Variants in KANSL1 observed in about 807,000 individuals in gnomAD.
KANSL1 encodes the protein KAT8 regulatory NSL complex subunit 1.
Under a neutral mutation model 103.6 loss-of-function variants are expected in KANSL1, and 22 were observed. The ratio of observed to expected loss-of-function variants is 0.21; its 90% CI spans 0.15 to 0.30. KANSL1 has a LOEUF of 0.30. Among genes scored for constraint, KANSL1 ranks in the 10% least tolerant of loss-of-function variants. The pLI, the probability that KANSL1 is intolerant of heterozygous loss-of-function variation, is 1.00. For missense variants in KANSL1, 1,337 were observed against 1,399.8 expected, an observed-to-expected ratio of 0.96 and a Z score of 0.72; for synonymous variants, 600 against 527.6, an observed-to-expected ratio of 1.14 and a Z score of -1.88.
At chr17:46,139,124 C>T (rs576422763) in intron 2 of KANSL1, among the ~76,000 whole-genome samples, 163 of 152,274 alleles carry the variant, frequency 1.1e-3, no homozygotes, top group Non-Finnish European at 1.7e-3. Context: ...GCTGCTCTAT[C>T]CCCATAATCT....
intron 2 of KANSL1, among the ~76,000 whole-genome samples, chr17:46,105,943 ACACACCCC>A (rs770973271): frequency 1.0e-3 from 72 of 69,514 alleles, no homozygotes; most frequent in South Asian, 2.2e-3. Flanking sequence ...ACACACACAC[ACACACCCC>A]CCCAGAAGGG....
intron 2 of KANSL1, among the ~76,000 whole-genome samples, chr17:46,130,187 CAAAAA>C (rs35017603): frequency 2.4e-4 from 18 of 75,474 alleles, no homozygotes; most frequent in South Asian, 1.1e-3. Context: ...ATCCTGTCTC[CAAAAA>C]AAAAAAAAAA....
chr17:46,216,347 TCA>T (rs1221745429), intron 1 of KANSL1, among the ~76,000 whole-genome samples: 3 of 151,894 alleles, frequency 2.0e-5, no homozygotes, highest in East Asian at 2.0e-4. Flanking sequence ...ACTTGGTGAC[TCA>T]CACACTTTGG....
chr17:46,065,098 C>A (rs1460169202), intron 6 of KANSL1, among the ~76,000 whole-genome samples: 1 of 151,410 alleles, frequency 6.6e-6, no homozygotes, highest in Non-Finnish European at 1.5e-5. Flanking sequence ...GCCTCAGCCT[C>A]CTGAGCAAAT....
chr17:46,115,726 C>G (rs1189165038), intron 2 of KANSL1, among the ~76,000 whole-genome samples: 3 of 152,194 alleles, frequency 2.0e-5, no homozygotes, highest in Non-Finnish European at 4.4e-5. Context: ...TTTAGGAAAG[C>G]CAACCGATAA....
intron 1 of KANSL1, among the ~76,000 whole-genome samples, chr17:46,216,488 A>C (rs1044073398): frequency 3.9e-5 from 6 of 151,934 alleles, no homozygotes; most frequent in African/African-American, 1.4e-4. Context: ...AATCCCAGCT[A>C]CTGGGGAAAC....
intron 6 of KANSL1, among the ~76,000 whole-genome samples, chr17:46,056,690 CAT>C (rs1360744760): frequency 1.3e-5 from 2 of 152,212 alleles, no homozygotes; most frequent in Admixed American, 1.3e-4. Flanking sequence ...TGATAAGTCA[CAT>C]GACATCCTTA....
chr17:46,194,473 G>A (rs1370510117), upstream of KANSL1, among the ~76,000 whole-genome samples: 3 of 152,172 alleles, frequency 2.0e-5, no homozygotes, highest in Admixed American at 6.5e-5. Flanking sequence ...CCCAAAATAG[G>A]ACCTTTAAAA....
chr17:46,155,914 T>C (rs568570973), intron 2 of KANSL1, among the ~76,000 whole-genome samples: 17 of 152,196 alleles, frequency 1.1e-4, no homozygotes, highest in Non-Finnish European at 1.5e-4. Context: ...ACCTGGGTGA[T>C]AGAGTGAAAC....
At chr17:46,145,285 C>T (rs2044640981) in intron 2 of KANSL1, among the ~76,000 whole-genome samples, 2 of 152,240 alleles carry the variant, frequency 1.3e-5, no homozygotes, top group African/African-American at 4.8e-5. Flanking sequence ...TCTCTATGGG[C>T]CCATCCCATA....
At chr17:46,147,400 C>A (rs995098060) in intron 2 of KANSL1, among the ~76,000 whole-genome samples, 2 of 152,036 alleles carry the variant, frequency 1.3e-5, no homozygotes, top group Admixed American at 6.6e-5. Context: ...GTGGCAAGAT[C>A]CTGTCTCTAC....
At chr17:46,133,622 C>G (rs12150087) in intron 2 of KANSL1, among the ~76,000 whole-genome samples, 21,685 of 152,000 alleles carry the variant, frequency 0.14, 2,124 homozygotes, top group Non-Finnish European at 0.22. Context: ...CAGTAAAGTG[C>G]CTCCAGATTT....
chr17:46,031,136 C>T lies in KANSL1; in HGVS notation c.*340G>A. The T allele has an allele frequency of 2.8e-6, 1 of 353,406 alleles. No individual in the cohort carries two copies. The highest frequency in any genetic ancestry group is 4.1e-5 in the South Asian group (1 of 24,564). 21.9% of individuals were successfully genotyped at this position (353,406 alleles called of 1,614,324 possible). A position where few individuals can be genotyped will look rare whatever the true frequency, so the allele number is the denominator to read the frequency against. On this transcript the variant is annotated 3_prime_UTR_variant, in exon 15 of 15. Transcript: ENST00000432791. ...ACTGTAGCCCGCCAGGCTGTTCTGC[C>T]CTGCCCACAGGTGTGAGGGAGGGGG...
Position 46,171,538 on chromosome 17 carries a change from C to T in KANSL1, c.606G>A (p.Lys202=), listed in dbSNP as rs1486052572. 4 of 1,612,460 alleles carry T rather than the reference C, an allele frequency of 2.5e-6. No homozygotes were observed. Among genetic ancestry groups the T allele is most frequent in the African/African-American group, 1.3e-5 (1 of 74,856 alleles). The change falls in exon 2 of 15, where the codon AAG becomes AAA. Residue 202 remains lysine, a synonymous_variant. Coordinates refer to ENST00000432791, the MANE Select transcript of KANSL1 (RefSeq NM_015443.4). ...GAAGAGTGCAATTGGTCATACCCCCCTTCAAGTCCCCAGATTCAGATCCTC... is the reference window on the plus strand; with the variant it reads ...GAAGAGTGCAATTGGTCATACCCCCTTTCAAGTCCCCAGATTCAGATCCTC... ...EMGGSESGDL[K]GGMTNCTLPH... is the part of the protein sequence containing the mutation.
upstream of KANSL1, chr17:46,225,051 G>A (rs2048642847): frequency 2.0e-5 from 3 of 151,746 alleles, no homozygotes; most frequent in East Asian, 5.8e-4. Flanking sequence ...GGGCAGCCAG[G>A]CCCTCAGGCC....
At chr17:46,034,074 G>T (rs1291927401) in intron 11 of KANSL1, 87 bp downstream of exon 11, 3 of 1,503,450 alleles carry the variant, frequency 2.0e-6, no homozygotes, top group Non-Finnish European at 2.7e-6. Context: ...CCAAAGACTA[G>T]GGCCCAACTC....
intron 10 of KANSL1, chr17:46,035,151 T>C (rs1019187105): frequency 4.6e-5 from 7 of 152,162 alleles, no homozygotes; most frequent in Admixed American, 3.3e-4. Flanking sequence ...AGATAGTTAA[T>C]ACCCTATCCT....
At chr17:46,135,319 ACACATGGGAAGGTT>A (rs1185311165) in intron 2 of KANSL1, among the ~76,000 whole-genome samples, 1 of 152,054 alleles carries the variant, frequency 6.6e-6, no homozygotes, top group Non-Finnish European at 1.5e-5. Context: ...TGGGCAATGC[ACACATGGGAAGGTT>A]CACTGCACTG....
intron 2 of KANSL1, among the ~76,000 whole-genome samples, chr17:46,130,578 C>T (rs1401657211): frequency 1.3e-5 from 2 of 152,180 alleles, no homozygotes; most frequent in African/African-American, 2.4e-5. Flanking sequence ...AAACAAGAAA[C>T]CTTGATTAAC....
Sources: gnomAD v4.1 joint callset for allele counts (sites outside exome capture counted in the v4.1 genomes callset) on GRCh38, gnomAD v4.1.1 for gene constraint, MANE v1.5 for transcripts, NCBI Gene and HGNC (gene_info 2026-07-23, HGNC 2026-07-21) for gene names.